CNOT1: variants seen among roughly 807,000 people sequenced by gnomAD.
The protein encoded by CNOT1 is CCR4-associated factor 1.
Under a neutral mutation model 273.8 loss-of-function variants are expected in CNOT1, and 15 were observed. The observed-to-expected ratio is 0.05, with a 90% CI of 0.04 to 0.08. The LOEUF (loss-of-function observed/expected upper bound fraction) is 0.08. CNOT1 is among the 10% of genes least tolerant of loss of function. The pLI is 1.00. For synonymous variants in CNOT1, 1,022 were observed against 1,005.5 expected (o/e 1.02, Z -0.31); for missense variants, 1,644 against 2,912.2 (o/e 0.56, Z 10.02).
intron 35 of CNOT1, among the ~76,000 whole-genome samples, chr16:58,539,273 C>T (rs1022175434): frequency 6.6e-6 from 1 of 151,892 alleles, no homozygotes; most frequent in Admixed American, 6.6e-5. Flanking sequence ...GAGGGAGGGC[C>T]ACTTGAGCCC....
chr16:58,581,433 T>C lies in CNOT1; in HGVS notation c.1127A>G (p.Asn376Ser). ...FQIRDSKGLH[N>S]VVYGIQRGLG... ...ACCCCTCTGAATGCCATAAACCACA[T>C]TATGAAGTCCTTTACTGTCACGAAT... is the stretch of plus-strand genomic sequence containing the variant. The change falls in exon 11 of 49, where the codon AAT (asparagine) becomes AGT (serine). Residue 376 changes from asparagine to serine, a missense_variant. Transcript: ENST00000317147. The C allele has an allele frequency of 6.2e-7, 1 of 1,614,098 alleles. No homozygotes were observed. The highest frequency in any genetic ancestry group is 8.5e-7 in the Non-Finnish European group (1 of 1,180,012).
chr16:58,560,854 G>A (rs866976479), intron 16 of CNOT1, among the ~76,000 whole-genome samples: 2 of 152,052 alleles, frequency 1.3e-5, no homozygotes, highest in East Asian at 1.9e-4. Flanking sequence ...GTGAAACCCC[G>A]TCTCTACTAA....
intron 1 of CNOT1, among the ~76,000 whole-genome samples, chr16:58,604,525 T>C (rs1326989833): frequency 1.3e-5 from 2 of 151,258 alleles, no homozygotes; most frequent in African/African-American, 4.9e-5. Flanking sequence ...CTCATGCCTG[T>C]AATCCCAGCA....
intron 1 of CNOT1, among the ~76,000 whole-genome samples, chr16:58,616,461 T>C (rs2043087256): frequency 6.6e-6 from 1 of 152,130 alleles, no homozygotes; most frequent in Non-Finnish European, 1.5e-5. Context: ...CTTGCTATAT[T>C]GCCCAGGCTG....
At chr16:58,580,870 C>T in intron 11 of CNOT1, 110 bp from the exon 12 acceptor site, 1 of 1,080,170 alleles carries the variant, frequency 9.3e-7, no homozygotes, top group Non-Finnish European at 1.3e-6. Flanking sequence ...ATGGCAATTT[C>T]CCGTTTAAAA....
rs1420754777 is a variant in CNOT1, at chr16:58,546,358, G to C, written c.3969C>G (p.Val1323=). 1.2e-6 allele frequency: 2 copies of C among 1,613,876 alleles called. No individual in the cohort carries two copies. The highest frequency in any genetic ancestry group is 1.7e-6 in the Non-Finnish European group (2 of 1,179,894). The change falls in exon 29 of 49, where the codon GTC becomes GTG. Residue 1323 remains valine (V), a synonymous_variant. Coordinates refer to ENST00000317147, the MANE Select transcript of CNOT1 (RefSeq NM_016284.5). ...TGGGAGGGAGTTCTTCTGGCTGCTT[G>C]ACATCTTTCTTTGGAGCAGAGAGTT... ...DEQLSAPKKD[V]KQPEELPPIT...
chr16:58,610,811 C>A (rs1342093727), intron 1 of CNOT1, among the ~76,000 whole-genome samples: 1 of 151,988 alleles, frequency 6.6e-6, no homozygotes, highest in African/African-American at 2.4e-5. Flanking sequence ...CCACTGCACT[C>A]CAGCCTGGGC....
intron 1 of CNOT1, among the ~76,000 whole-genome samples, chr16:58,604,835 A>C: frequency 6.7e-6 from 1 of 148,462 alleles, no homozygotes; most frequent in Middle Eastern, 3.6e-3. Context: ...AATTAAAAAA[A>C]AAAAAAAAAA....
intron 2 of CNOT1, among the ~76,000 whole-genome samples, chr16:58,589,891 C>A (rs1348261218): frequency 6.6e-6 from 1 of 152,174 alleles, no homozygotes; most frequent in Non-Finnish European, 1.5e-5. Flanking sequence ...TGTTCTTTCA[C>A]TTCATTTAGG....
chr16:58,541,119 C>A (rs770569176), intron 34 of CNOT1, among the ~76,000 whole-genome samples: 1 of 152,204 alleles, frequency 6.6e-6, no homozygotes, highest in African/African-American at 2.4e-5. Context: ...GTGGGAGGAT[C>A]GCTTGAGTCT....
chr16:58,560,413 AT>A (rs760489653), intron 16 of CNOT1, 51 bp from the exon 17 acceptor site: 423 of 1,575,784 alleles, frequency 2.7e-4, no homozygotes, highest in Middle Eastern at 3.4e-4. Context: ...TCTCTAGCAC[AT>A]GTAAGTAAAC....
intron 40 of CNOT1, 123 bp downstream of exon 40, chr16:58,534,024 T>C: frequency 8.7e-7 from 1 of 1,151,338 alleles, no homozygotes; most frequent in South Asian, 4.2e-5. Flanking sequence ...TCGGAGGCAC[T>C]CCAGCCTGGG....
At position 58,555,373 on chromosome 16, in the gene CNOT1, T is replaced by C. The variant is rs780351354; in HGVS notation, c.2769A>G (p.Lys923=). The change falls in exon 21 of 49, where the codon AAA becomes AAG. Residue 923 remains lysine, a synonymous_variant. Coordinates refer to ENST00000317147, the MANE Select transcript of CNOT1 (RefSeq NM_016284.5). ...TACLFGGIIE[K]GLVTYMALGL... ...CTAGTGCCATGTAAGTGACCAGTCC[T>C]TTCTCAATTATACCACCAAATAGGC... 14 of 1,614,088 alleles carry C rather than the reference T, an allele frequency of 8.7e-6. No individual in the cohort carries two copies. Among genetic ancestry groups the C allele is most frequent in the Non-Finnish European group, 1.2e-5 (14 of 1,180,044 alleles).
At chr16:58,576,710 A>G in intron 13 of CNOT1, 128 bp from the exon 14 acceptor site, 1 of 1,426,150 alleles carries the variant, frequency 7.0e-7, no homozygotes, top group Non-Finnish European at 9.4e-7. Context: ...CATTAAGTTC[A>G]GGCCTCAAAC....
chr16:58,527,055 T>C (rs537785152), intron 44 of CNOT1, among the ~76,000 whole-genome samples: 10 of 152,092 alleles, frequency 6.6e-5, no homozygotes, highest in Non-Finnish European at 1.3e-4. Context: ...AAACAAACTA[T>C]AGTAGCCATG....
Position 58,600,546 on chromosome 16 carries a change from A to G in CNOT1, c.-174-1035T>C, listed in dbSNP as rs150360362. On this transcript the variant is annotated intron_variant, in intron 1 of 48. Coordinates refer to ENST00000317147, the MANE Select transcript of CNOT1 (RefSeq NM_016284.5). ...ATCTGCGACCTATTTATAAGACACTATGTATTCACTTTATTCTTTATGTTA... is the reference window on the plus strand; with the variant it reads ...ATCTGCGACCTATTTATAAGACACTGTGTATTCACTTTATTCTTTATGTTA... 3.4e-3 allele frequency among the ~76,000 whole-genome samples: 517 copies of G among 152,248 alleles called. 3 individuals are homozygous for G. The highest frequency in any genetic ancestry group is 5.9e-3 in the Admixed American group (90 of 15,284).
At chr16:58,587,066 T>A (rs1457334178) in intron 6 of CNOT1, 135 bp downstream of exon 6, 6 of 1,247,842 alleles carry the variant, frequency 4.8e-6, no homozygotes, top group Non-Finnish European at 6.6e-6. Flanking sequence ...TTATATTACA[T>A]GTTTTTTACC....
chr16:58,528,577 G>A lies in CNOT1; in HGVS notation c.6351C>T (p.Phe2117=). 3.1e-6 allele frequency: 5 copies of A among 1,613,234 alleles called. No homozygotes were observed. Among genetic ancestry groups the A allele is most frequent in the South Asian group, 1.1e-5 (1 of 91,060 alleles). The change falls in exon 44 of 49, where the codon TTC becomes TTT. Residue 2117 remains phenylalanine, a synonymous_variant. Coordinates refer to ENST00000317147, the MANE Select transcript of CNOT1 (RefSeq NM_016284.5). ...TACAATTAGGTGGGATCACATCACA[G>A]AACCCATAATGGTAATCACAAAGGA... ...PEFLCDYHYG[F]CDVIPPNCIQ...
rs372560097 is a variant in CNOT1 at position 58,560,373 on chromosome 16, G to A, written c.1980-11C>T. ...TCCTGAGAAACACTCCTAAAATAGAGGGGAAAAGGTAAAAAATATCAGTTC... is the reference window on the plus strand; with the variant it reads ...TCCTGAGAAACACTCCTAAAATAGAAGGGAAAAGGTAAAAAATATCAGTTC... On this transcript the variant is annotated splice_polypyrimidine_tract_variant and intron_variant, in intron 16 of 48. Coordinates refer to ENST00000317147, the MANE Select transcript of CNOT1 (RefSeq NM_016284.5). The A allele has an allele frequency of 1.5e-5, 24 of 1,612,174 alleles. No homozygotes were observed. In the African/African-American group the frequency reaches 2.8e-4, roughly 19 times the overall value.
Sources: allele counts gnomAD v4.1 joint callset (sites outside exome capture counted in the v4.1 genomes callset), GRCh38; gene constraint gnomAD v4.1.1; transcripts MANE v1.5; gene names NCBI Gene and HGNC (gene_info 2026-07-23, HGNC 2026-07-21).